Variants in EHBP1 observed in about 807,000 individuals in gnomAD.
The protein encoded by EHBP1 is EH domain-binding protein 1.
EHBP1 carries 55 observed loss-of-function variants against 144.0 expected under a neutral mutation model. The ratio of observed to expected loss-of-function variants is 0.38; its 90% CI spans 0.31 to 0.48. EHBP1 has a LOEUF of 0.48. EHBP1 is among the 20% of genes least tolerant of loss of function. The pLI is 0.98. For synonymous variants in EHBP1, 469 were observed against 472.7 expected (o/e 0.99, Z 0.10); for missense variants, 1,200 against 1,364.2 (o/e 0.88, Z 1.90).
chr2:62,899,267 T>C (rs1197535691), intron 10 of EHBP1, among the ~76,000 whole-genome samples: 1 of 152,154 alleles, frequency 6.6e-6, no homozygotes, highest in Non-Finnish European at 1.5e-5. Context: ...GGACTGAGCC[T>C]TGGAGTAGAA....
intron 5 of EHBP1, among the ~76,000 whole-genome samples, chr2:62,775,342 A>T (rs1355111166): frequency 2.0e-5 from 3 of 152,198 alleles, no homozygotes; most frequent in Non-Finnish European, 4.4e-5. Context: ...CTTACATTTT[A>T]ATGTGCTTTC....
intron 3 of EHBP1, among the ~76,000 whole-genome samples, chr2:62,759,937 C>T (rs759136633): frequency 6.6e-6 from 1 of 151,868 alleles, no homozygotes; most frequent in Non-Finnish European, 1.5e-5. Flanking sequence ...TCCTTGGTTT[C>T]TTCTCTGGTG....
intron 19 of EHBP1, 111 bp downstream of exon 19, chr2:62,996,877 C>T: frequency 1.4e-6 from 2 of 1,472,594 alleles, no homozygotes; most frequent in Non-Finnish European, 1.8e-6. Flanking sequence ...GCAAAACTGC[C>T]TTGAAAATAA....
intron 14 of EHBP1, among the ~76,000 whole-genome samples, chr2:62,971,675 A>G (rs138313447): frequency 6.6e-6 from 1 of 152,326 alleles, no homozygotes; most frequent in East Asian, 1.9e-4. Flanking sequence ...AGTTTTTGTC[A>G]AATTGGAATG....
chr2:62,758,977 A>C (rs886930729), intron 3 of EHBP1, among the ~76,000 whole-genome samples: 4 of 152,264 alleles, frequency 2.6e-5, no homozygotes, highest in African/African-American at 9.6e-5. Context: ...TCAATTTTAC[A>C]GGAATCAGAA....
chr2:62,735,411 T>G (rs539728451), intron 2 of EHBP1, among the ~76,000 whole-genome samples: 44 of 152,290 alleles, frequency 2.9e-4, no homozygotes, highest in African/African-American at 1.0e-3. Flanking sequence ...ATCCTAATTC[T>G]TCTCTCCTGT....
At chr2:62,954,132 C>A (rs1483516441) in intron 13 of EHBP1, among the ~76,000 whole-genome samples, 1 of 152,072 alleles carries the variant, frequency 6.6e-6, no homozygotes, top group Non-Finnish European at 1.5e-5. Context: ...AATTAACTTG[C>A]CCATAATTAA....
At chr2:62,979,798 C>T (rs2058879845) in intron 15 of EHBP1, among the ~76,000 whole-genome samples, 1 of 152,132 alleles carries the variant, frequency 6.6e-6, no homozygotes, top group South Asian at 2.1e-4. Flanking sequence ...AGTCCCATCT[C>T]AGTTTCTTCT....
intron 1 of EHBP1, among the ~76,000 whole-genome samples, chr2:62,676,972 G>T (rs1378751365): frequency 6.6e-6 from 1 of 152,154 alleles, no homozygotes; most frequent in Admixed American, 6.6e-5. Context: ...AGACTAACCT[G>T]GGCAGCATAG....
At chr2:62,966,944 G>A (rs766987953) in intron 14 of EHBP1, among the ~76,000 whole-genome samples, 3 of 152,182 alleles carry the variant, frequency 2.0e-5, no homozygotes, top group East Asian at 1.9e-4. Flanking sequence ...TAGTGCTGAG[G>A]CCATATGCTG....
At chr2:62,689,574 G>A (rs1275021788) in intron 1 of EHBP1, among the ~76,000 whole-genome samples, 1 of 152,198 alleles carries the variant, frequency 6.6e-6, no homozygotes, top group African/African-American at 2.4e-5. Context: ...AACCCAGGAG[G>A]TGGAGGTTGC....
intron 19 of EHBP1, among the ~76,000 whole-genome samples, 167 bp downstream of exon 19, chr2:62,996,933 G>A (rs1459530557): frequency 3.3e-5 from 5 of 152,102 alleles, no homozygotes; most frequent in Non-Finnish European, 5.9e-5. Flanking sequence ...GGTGATAAGA[G>A]TGCCTTCATG....
At chr2:62,812,258 C>G (rs2045075164) in intron 5 of EHBP1, among the ~76,000 whole-genome samples, 1 of 152,098 alleles carries the variant, frequency 6.6e-6, no homozygotes, top group Non-Finnish European at 1.5e-5. Context: ...AAATTACCCA[C>G]TCTCTGATAC....
intron 7 of EHBP1, among the ~76,000 whole-genome samples, chr2:62,832,371 A>G (rs1443303855): frequency 1.3e-5 from 2 of 149,376 alleles, no homozygotes; most frequent in African/African-American, 4.9e-5. Context: ...TCAACTTCTC[A>G]TTACAGGCAT....
At chr2:62,756,484 T>C (rs2040292022) in intron 3 of EHBP1, among the ~76,000 whole-genome samples, 1 of 152,164 alleles carries the variant, frequency 6.6e-6, no homozygotes, top group African/African-American at 2.4e-5. Context: ...AAATGCTGTT[T>C]TAGGCTGCGC....
chr2:62,700,162 G>A (rs2034234883), intron 1 of EHBP1, among the ~76,000 whole-genome samples: 2 of 151,670 alleles, frequency 1.3e-5, no homozygotes, highest in South Asian at 4.2e-4. Context: ...GTCCTATAAT[G>A]ATAGAGTAAA....
At chr2:62,933,644 A>G (rs2056169427) in intron 10 of EHBP1, among the ~76,000 whole-genome samples, 2 of 152,186 alleles carry the variant, frequency 1.3e-5, no homozygotes, top group South Asian at 4.1e-4. Flanking sequence ...TAATATAACC[A>G]CCGATTATAG....
At chr2:62,837,776 A>C (rs1472885130) in intron 7 of EHBP1, among the ~76,000 whole-genome samples, 1 of 152,200 alleles carries the variant, frequency 6.6e-6, no homozygotes, top group Non-Finnish European at 1.5e-5. Flanking sequence ...GATCAATTCA[A>C]AAAGAAGAGC....
chr2:62,861,898 C>G (rs1195664832), intron 8 of EHBP1, among the ~76,000 whole-genome samples: 12 of 152,136 alleles, frequency 7.9e-5, no homozygotes, highest in Admixed American at 7.2e-4. Flanking sequence ...CAATCCTCTT[C>G]CTGAAAGAAA....
Sources: gnomAD v4.1 joint callset for allele counts (sites outside exome capture counted in the v4.1 genomes callset) on GRCh38, gnomAD v4.1.1 for gene constraint, MANE v1.5 for transcripts, NCBI Gene and HGNC (gene_info 2026-07-23, HGNC 2026-07-21) for gene names.